Variants in LIMK1 observed in about 807,000 individuals in gnomAD.
LIMK1 encodes the protein LIM domain kinase 1.
LIMK1 carries 21 observed loss-of-function variants against 77.6 expected under a neutral mutation model. The ratio of observed to expected loss-of-function variants is 0.27; its 90% CI spans 0.19 to 0.39. The LOEUF (loss-of-function observed/expected upper bound fraction) is 0.39. Ranked by LOEUF, LIMK1 falls within the 10% of genes least tolerant of loss-of-function variation. LIMK1 has a pLI of 1.00. For missense variants in LIMK1, 696 were observed against 901.6 expected, an observed-to-expected ratio of 0.77 and a Z score of 2.92; for synonymous variants, 358 against 370.0, an observed-to-expected ratio of 0.97 and a Z score of 0.37.
intron 12 of LIMK1, among the ~76,000 whole-genome samples, chr7:74,113,657 C>T (rs1799747411): frequency 6.6e-6 from 1 of 151,560 alleles, no homozygotes; most frequent in African/African-American, 2.4e-5. Context: ...GCAAGAGGGG[C>T]TGACAAGAGA....
At chr7:74,091,681 C>G (rs892185460) in intron 2 of LIMK1, among the ~76,000 whole-genome samples, 7 of 152,136 alleles carry the variant, frequency 4.6e-5, no homozygotes, top group Non-Finnish European at 1.0e-4. Flanking sequence ...CCAACAGGGT[C>G]CCTGCCTTCT....
chr7:74,117,598 C>T (rs2115757185), intron 13 of LIMK1, among the ~76,000 whole-genome samples: 1 of 152,186 alleles, frequency 6.6e-6, no homozygotes, highest in East Asian at 1.9e-4. Flanking sequence ...CACATGAACA[C>T]AGGTTCAGGG....
In LIMK1 at chr7:74,112,017, C is replaced by G. The variant is rs782576259; in HGVS notation, c.1410+19C>G. 1.9e-6 allele frequency: 3 copies of G among 1,584,050 alleles called. No individual in the cohort carries two copies. The highest frequency in any genetic ancestry group is 2.6e-6 in the Non-Finnish European group (3 of 1,161,762). On this transcript the variant is annotated intron_variant, in intron 12 of 15. Transcript: ENST00000336180. ...CCGCGAGGTGAGTACCAGGGCCCCA[C>G]GTGGCTGGGTGTCAGGAGACAGCAG...
chr7:74,106,340 T>C, intron 7 of LIMK1, 97 bp downstream of exon 7: 1 of 1,397,312 alleles, frequency 7.2e-7, no homozygotes, highest in Non-Finnish European at 9.7e-7. Flanking sequence ...CCTGCACAAA[T>C]GCAGCCCAGG....
chr7:74,114,842 G>A (rs1462314952), intron 12 of LIMK1, among the ~76,000 whole-genome samples: 1 of 150,850 alleles, frequency 6.6e-6, no homozygotes, highest in Non-Finnish European at 1.5e-5. Context: ...GTGAACCTGG[G>A]AGGCAGAGCT....
In LIMK1 at chr7:74,096,698, T is replaced by A. The variant is rs1188295319; in HGVS notation, c.229T>A (p.Trp77Arg). ...GCAGCTCTTCTGCAAGAAGGACTAC[T>A]GGGCCCGCTATGGCGAGTCCTGCCA... ...DGQLFCKKDY[W>R]ARYGESCHGC... Residue 77 changes from tryptophan (W) to arginine (R), a missense_variant, in exon 3 of 16, where the codon TGG (tryptophan) becomes AGG (arginine). Coordinates refer to ENST00000336180, the MANE Select transcript of LIMK1 (RefSeq NM_002314.4). 1.9e-6 allele frequency: 3 copies of A among 1,613,934 alleles called. No individual in the cohort carries two copies. The highest frequency in any genetic ancestry group is 2.5e-6 in the Non-Finnish European group (3 of 1,180,010).
At chr7:74,095,844 C>T (rs929498212) in intron 2 of LIMK1, among the ~76,000 whole-genome samples, 2 of 152,136 alleles carry the variant, frequency 1.3e-5, no homozygotes, top group Admixed American at 1.3e-4. Flanking sequence ...GCCTGGCATT[C>T]CTCCCCATCT....
chr7:74,106,927 G>T, intron 7 of LIMK1, 83 bp from the exon 8 acceptor site: 1 of 1,324,920 alleles, frequency 7.5e-7, no homozygotes, highest in Non-Finnish European at 1.0e-6. Context: ...ACAGGGGCAT[G>T]CAGGCAGGAG....
rs1362386726 is a variant in LIMK1 at position 74,116,212 on chromosome 7, G to A, written c.1567+254G>A. ...AGTTGGAGACCAGCCTAGCCAACAT[G>A]GTGAAACCCCCATTCTTTACTAAAA... On this transcript the variant is annotated intron_variant, in intron 13 of 15. Coordinates refer to ENST00000336180, the MANE Select transcript of LIMK1 (RefSeq NM_002314.4). Among the ~76,000 whole-genome samples the A allele has an allele frequency of 5.3e-5, 8 of 152,276 alleles. No individual in the cohort carries two copies. In the East Asian group the frequency reaches 1.4e-3, roughly 26 times the overall value.
intron 10 of LIMK1, chr7:74,110,293 C>G (rs1799668848): frequency 6.6e-6 from 1 of 152,120 alleles, no homozygotes; most frequent in African/African-American, 2.4e-5. Context: ...GAGGTCGAGG[C>G]TGCACTCCAG....
chr7:74,092,623 G>T (rs1453717281), intron 2 of LIMK1, among the ~76,000 whole-genome samples: 2 of 151,866 alleles, frequency 1.3e-5, no homozygotes, highest in African/African-American at 4.8e-5. Context: ...CCTCTGCGAG[G>T]TCCCCTCCAG....
rs782358163 is a variant in LIMK1, at chr7:74,106,016, A to C, written c.714+36A>C. The C allele has an allele frequency of 4.5e-5, 72 of 1,609,824 alleles. No homozygotes were observed. In the Middle Eastern group the frequency reaches 4.9e-4, roughly 11 times the overall value. ...GAGTCTGTGGGGCAGGACGGGAGGTAGTGCCTTCATGCCTAGCCCCCTCCC... is the reference window on the plus strand; with the variant it reads ...GAGTCTGTGGGGCAGGACGGGAGGTCGTGCCTTCATGCCTAGCCCCCTCCC... On this transcript the variant is annotated intron_variant, in intron 6 of 15. Coordinates refer to ENST00000336180, the MANE Select transcript of LIMK1 (RefSeq NM_002314.4).
intron 2 of LIMK1, among the ~76,000 whole-genome samples, chr7:74,094,733 G>T (rs1300753207): frequency 6.7e-6 from 1 of 149,942 alleles, no homozygotes; most frequent in Admixed American, 6.7e-5. Flanking sequence ...TCCGTCCTCC[G>T]CCCCACCCCC....
chr7:74,106,326 C>G, intron 7 of LIMK1, 83 bp downstream of exon 7: 1 of 1,469,732 alleles, frequency 6.8e-7, no homozygotes, highest in Non-Finnish European at 9.2e-7. Context: ...GTCGGGGAGC[C>G]AGCCCTGCAC....
intron 1 of LIMK1, 126 bp from the exon 2 acceptor site, chr7:74,085,622 G>A (rs1318171935): frequency 2.9e-5 from 22 of 761,208 alleles, no homozygotes; most frequent in South Asian, 1.6e-4. Context: ...CTGCCTGGGC[G>A]CTGCACATGT....
chr7:74,106,434 C>A (rs1490281836), intron 7 of LIMK1, among the ~76,000 whole-genome samples, 191 bp downstream of exon 7: 1 of 150,676 alleles, frequency 6.6e-6, no homozygotes, highest in Non-Finnish European at 1.5e-5. Context: ...GACCCACTCT[C>A]AAAAAAAAAG....
intron 2 of LIMK1, among the ~76,000 whole-genome samples, chr7:74,089,485 G>C (rs1799197662): frequency 6.6e-6 from 1 of 152,026 alleles, no homozygotes; most frequent in South Asian, 2.1e-4. Flanking sequence ...CTGGGTGACA[G>C]AGTGAAATCC....
chr7:74,098,992 C>A, intron 4 of LIMK1, 40 bp from the exon 5 acceptor site: 1 of 1,537,386 alleles, frequency 6.5e-7, no homozygotes, highest in Non-Finnish European at 8.9e-7. Context: ...TTGATGACGC[C>A]CTTGACACTC....
At chr7:74,110,297 A>C (rs1799668907) in intron 10 of LIMK1, 1 of 151,986 alleles carries the variant, frequency 6.6e-6, no homozygotes, top group Non-Finnish European at 1.5e-5. Flanking sequence ...TCGAGGCTGC[A>C]CTCCAGCCTG....
Sources: gnomAD v4.1 joint callset for allele counts (sites outside exome capture counted in the v4.1 genomes callset) on GRCh38, gnomAD v4.1.1 for gene constraint, MANE v1.5 for transcripts, NCBI Gene and HGNC (gene_info 2026-07-23, HGNC 2026-07-21) for gene names.